The following MARCHF1 variants were observed in gnomAD, a reference collection of about 807,000 sequenced individuals.
MARCHF1 encodes the protein membrane associated ring-CH-type finger 1.
In MARCHF1, 40 loss-of-function variants were observed where a neutral mutation model predicts 54.2. The ratio of observed to expected loss-of-function variants is 0.74; its 90% confidence interval spans 0.57 to 0.96. The LOEUF is 0.96. Ranked by LOEUF, MARCHF1 falls within the 40% of genes least tolerant of loss-of-function variation. MARCHF1 has a pLI of 0.00. For missense variants in MARCHF1, 586 were observed against 656.5 expected (o/e 0.89, Z 1.17); for synonymous variants, 236 against 236.3 (o/e 1.00, Z 0.01).
intron 3 of MARCHF1, among the ~76,000 whole-genome samples, chr4:163,868,123 T>A (rs1281423727): frequency 1.3e-5 from 2 of 151,890 alleles, no homozygotes; most frequent in African/African-American, 4.8e-5. Context: ...ATGGGTGCAA[T>A]TTCAAATGGG....
In MARCHF1 at chr4:164,190,184, G is replaced by T. The variant is rs1242469901; in HGVS notation, c.-322-78522C>A. On this transcript the variant is annotated intron_variant, in intron 1 of 9. Coordinates refer to ENST00000514618, the MANE Select transcript of MARCHF1 (RefSeq NM_001394959.1). ...AAGCTGTAGAAGAAAAGATTGAATGGCTGGAAAGCCACCAAGCTGCTGACA... is the reference window on the plus strand; with the variant it reads ...AAGCTGTAGAAGAAAAGATTGAATGTCTGGAAAGCCACCAAGCTGCTGACA... The T allele has an allele frequency of 3.8e-6, 6 of 1,571,792 alleles. No individual in the cohort carries two copies. The South Asian group carries it at 5.9e-5, about 16-fold the overall frequency.
rs1356784744 is a variant in MARCHF1 at position 164,197,276 on chromosome 4, A to G, written c.-322-85614T>C. On this transcript the variant is annotated intron_variant, in intron 1 of 9. Transcript: ENST00000514618. ...GAGTAAGGGGCCTCCTTGTGGTCCCAGTAACAGCTGTCGAGATATGTGAGT... is the reference window on the plus strand; with the variant it reads ...GAGTAAGGGGCCTCCTTGTGGTCCCGGTAACAGCTGTCGAGATATGTGAGT... 3 of 1,611,434 alleles carry G rather than the reference A, an allele frequency of 1.9e-6. No individual in the cohort carries two copies. In the South Asian group the frequency reaches 3.3e-5, roughly 18 times the overall value.
intron 5 of MARCHF1, among the ~76,000 whole-genome samples, chr4:163,630,338 G>A (rs1742029790): frequency 6.6e-6 from 1 of 152,166 alleles, no homozygotes; most frequent in South Asian, 2.1e-4. Flanking sequence ...CCAGTTACAA[G>A]AGTATACAAG....
chr4:163,989,337 T>C (rs1255860779), intron 2 of MARCHF1, among the ~76,000 whole-genome samples: 1 of 151,732 alleles, frequency 6.6e-6, no homozygotes, highest in African/African-American at 2.4e-5. Flanking sequence ...CCTGGAGCAA[T>C]TGCAGATGTC....
intron 1 of MARCHF1, among the ~76,000 whole-genome samples, chr4:164,343,879 T>C (rs967205429): frequency 2.4e-4 from 36 of 152,286 alleles, no homozygotes; most frequent in Non-Finnish European, 4.3e-4. Context: ...ATTGGGTATA[T>C]ACTCAAAGGA....
intron 5 of MARCHF1, among the ~76,000 whole-genome samples, chr4:163,635,921 G>T (rs1206622977): frequency 1.3e-5 from 2 of 152,172 alleles, no homozygotes; most frequent in Non-Finnish European, 2.9e-5. Flanking sequence ...TCATCCCTGG[G>T]ATGCAAGGTT....
At chr4:164,197,742 G>C (rs1261579851) in intron 1 of MARCHF1, 13 of 1,610,660 alleles carry the variant, frequency 8.1e-6, no homozygotes, top group African/African-American at 1.3e-5. Flanking sequence ...AGAGGCTCTC[G>C]TGCCAGCCGA....
intron 3 of MARCHF1, among the ~76,000 whole-genome samples, chr4:163,922,475 G>T (rs1344723679): frequency 1.3e-5 from 2 of 152,132 alleles, no homozygotes; most frequent in African/African-American, 4.8e-5. Context: ...TAGGCCTGTT[G>T]CACTCTACCA....
intron 1 of MARCHF1, among the ~76,000 whole-genome samples, chr4:164,233,954 T>A (rs190281660): frequency 1.2e-3 from 178 of 152,302 alleles, no homozygotes; most frequent in African/African-American, 4.0e-3. Context: ...ACAATTTAGA[T>A]GCCACATGAG....
intron 8 of MARCHF1, among the ~76,000 whole-genome samples, chr4:163,574,025 T>C (rs1220951741): frequency 6.6e-6 from 1 of 152,164 alleles, no homozygotes; most frequent in Non-Finnish European, 1.5e-5. Flanking sequence ...TGAGATGATA[T>C]CTCATTGTGG....
At chr4:163,876,363 G>A (rs527542971) in intron 3 of MARCHF1, among the ~76,000 whole-genome samples, 37 of 152,228 alleles carry the variant, frequency 2.4e-4, no homozygotes, top group Non-Finnish European at 5.0e-4. Flanking sequence ...TCATTCAGTT[G>A]ATGTCTTCCT....
intron 3 of MARCHF1, among the ~76,000 whole-genome samples, chr4:163,860,363 T>C (rs1749891631): frequency 6.6e-6 from 1 of 152,124 alleles, no homozygotes. Context: ...CATGAGAATA[T>C]CTGAGAAAGA....
At chr4:164,032,758 G>A (rs1753905146) in intron 2 of MARCHF1, among the ~76,000 whole-genome samples, 1 of 151,924 alleles carries the variant, frequency 6.6e-6, no homozygotes, top group Non-Finnish European at 1.5e-5. Flanking sequence ...CCAATTATGT[G>A]GTTGGTTTTA....
At chr4:164,333,313 T>C (rs1025960165) in intron 1 of MARCHF1, among the ~76,000 whole-genome samples, 3 of 152,222 alleles carry the variant, frequency 2.0e-5, no homozygotes, top group Admixed American at 1.3e-4. Flanking sequence ...TATTGCACTT[T>C]ACAGAAACTG....
intron 3 of MARCHF1, among the ~76,000 whole-genome samples, chr4:163,940,189 A>G (rs1751883627): frequency 2.0e-5 from 3 of 152,158 alleles, no homozygotes; most frequent in South Asian, 4.1e-4. Flanking sequence ...AAATTTCCAG[A>G]CCAAAAAACA....
intron 5 of MARCHF1, among the ~76,000 whole-genome samples, chr4:163,683,421 TG>T (rs1369131144): frequency 6.6e-6 from 1 of 152,124 alleles, no homozygotes; most frequent in Non-Finnish European, 1.5e-5. Context: ...TCCCACAACA[TG>T]TGGGAATTCA....
At chr4:164,068,825 G>T (rs1041257944) in intron 2 of MARCHF1, among the ~76,000 whole-genome samples, 1 of 152,230 alleles carries the variant, frequency 6.6e-6, no homozygotes, top group Non-Finnish European at 1.5e-5. Context: ...CCCTGAGTCT[G>T]GTGGGGACTT....
intron 3 of MARCHF1, among the ~76,000 whole-genome samples, chr4:163,958,774 A>T (rs1337584738): frequency 1.3e-5 from 2 of 151,800 alleles, no homozygotes; most frequent in Non-Finnish European, 2.9e-5. Flanking sequence ...ATTCTTGAAA[A>T]TTTTTTCATT....
At position 164,194,457 on chromosome 4, in the gene MARCHF1, C is replaced by T. The variant is rs1006146791; in HGVS notation, c.-322-82795G>A. Among the ~76,000 whole-genome samples the T allele has an allele frequency of 7.2e-5, 11 of 152,044 alleles. No homozygotes were observed. In the East Asian group the frequency reaches 7.7e-4, roughly 11 times the overall value. On this transcript the variant is annotated intron_variant, in intron 1 of 9. Transcript: ENST00000514618. ...CATCCCATTTCACATTTCCTACCAT[C>T]GTAATATAAAATAAAACATAGTTAA...
Sources: allele counts gnomAD v4.1 joint callset (sites outside exome capture counted in the v4.1 genomes callset), GRCh38; gene constraint gnomAD v4.1.1; transcripts MANE v1.5; gene names NCBI Gene and HGNC (gene_info 2026-07-23, HGNC 2026-07-21).